ZNF718: variants seen among roughly 807,000 people sequenced by gnomAD.
The protein encoded by ZNF718 is zinc finger protein 718.
A neutral mutation model predicts 2.6 loss-of-function variants in ZNF718; 3 were observed. That is an observed-to-expected ratio of 1.16 (90% CI 0.53 to 3.01). The LOEUF is 3.01. Ranked by LOEUF, ZNF718 falls within the 30% of genes most tolerant of loss-of-function variation. ZNF718 has a pLI of 0.03. For missense variants in ZNF718, 468 were observed against 230.0 expected, an observed-to-expected ratio of 2.03 and a Z score of -6.69; for synonymous variants, 135 against 77.9, an observed-to-expected ratio of 1.73 and a Z score of -3.86.
intron 3 of ZNF718, among the ~76,000 whole-genome samples, chr4:152,417 C>T (rs529550476): frequency 1.7e-5 from 2 of 119,408 alleles, no homozygotes; most frequent in Non-Finnish European, 3.5e-5. Flanking sequence ...CGGCCTTCCG[C>T]AGTTTTTGTG....
At chr4:168,027 C>T (rs938376406), downstream of ZNF718, among the ~76,000 whole-genome samples, 2 of 152,154 alleles carry the variant, frequency 1.3e-5, no homozygotes, top group African/African-American at 4.8e-5. Flanking sequence ...TATGTCCCAT[C>T]AATACCTAAT....
At chr4:190,429 CAAAAAAA>C (rs368848803) in intron 3 of ZNF718, among the ~76,000 whole-genome samples, 3 of 49,138 alleles carry the variant, frequency 6.1e-5, no homozygotes, top group Non-Finnish European at 1.3e-4. Flanking sequence ...AACTCCATCT[CAAAAAAA>C]AAAAAAAAAA....
In ZNF718 at chr4:129,133, GTGT is replaced by G. The variant is rs1309485372; in HGVS notation, c.4-1650_4-1648del. ...AGAAGAGAAATTGTTGTTATTATTT[GTGT>G]TGTTTTTACCTTGCTAAGAATAAAT... On this transcript the variant is annotated intron_variant, in intron 1 of 3. Coordinates refer to ENST00000510175, the MANE Select transcript of ZNF718 (RefSeq NM_001039127.6). Among the ~76,000 whole-genome samples the G allele has an allele frequency of 8.6e-5, 9 of 104,844 alleles. 3 individuals are homozygous for G. Among genetic ancestry groups the G allele is most frequent in the Admixed American group, 2.0e-4 (2 of 9,784 alleles). 68.8% of individuals were successfully genotyped at this position (104,844 alleles called of 152,430 possible).
chr4:141,990 T>TA, intron 3 of ZNF718: 1 of 519,320 alleles, frequency 1.9e-6, no homozygotes, highest in Non-Finnish European at 3.9e-6. Context: ...TTCCAGCAGG[T>TA]AAAAAAGCTT....
Position 163,076 on chromosome 4 carries a change from C to G in ZNF718, c.*954C>G, listed in dbSNP as rs1466687417. 6.6e-6 allele frequency: 1 copy of G among 152,022 alleles called. No homozygotes were observed. Among genetic ancestry groups the G allele is most frequent in the Non-Finnish European group, 1.5e-5 (1 of 68,010 alleles). 9.4% of individuals were successfully genotyped at this position (152,022 alleles called of 1,614,324 possible). ...TTATAGATTTTTTGAAAAGCAAATTCAACTCTAAAATTACTTCATACTGAT... is the reference window on the plus strand; with the variant it reads ...TTATAGATTTTTTGAAAAGCAAATTGAACTCTAAAATTACTTCATACTGAT... On this transcript the variant is annotated 3_prime_UTR_variant, in exon 4 of 4. Coordinates refer to ENST00000510175, the MANE Select transcript of ZNF718 (RefSeq NM_001039127.6).
chr4:164,366 A>AATATAT (rs1717037355), downstream of ZNF718, among the ~76,000 whole-genome samples: 1 of 152,040 alleles, frequency 6.6e-6, no homozygotes, highest in Non-Finnish European at 1.5e-5. Flanking sequence ...TTCTTTTAAT[A>AATATAT]ATATATATAA....
chr4:167,102 T>C (rs1581470311), downstream of ZNF718, among the ~76,000 whole-genome samples: 1 of 152,188 alleles, frequency 6.6e-6, no homozygotes, highest in East Asian at 1.9e-4. Context: ...ATTTATTAAA[T>C]AGGAAATCCT....
chr4:147,719 C>G (rs59673355), intron 3 of ZNF718, among the ~76,000 whole-genome samples: 2,190 of 152,224 alleles, frequency 0.014, 29 homozygotes, highest in South Asian at 0.036. Flanking sequence ...AAAAAATTAG[C>G]CAGTCGTGGC....
downstream of ZNF718, among the ~76,000 whole-genome samples, chr4:166,364 C>A (rs1330088957): frequency 6.6e-6 from 1 of 152,196 alleles, no homozygotes; most frequent in Non-Finnish European, 1.5e-5. Context: ...GGTATATACC[C>A]AGTAATGGGA....
chr4:184,254 A>G (rs1292947096), intron 3 of ZNF718, among the ~76,000 whole-genome samples: 1 of 152,098 alleles, frequency 6.6e-6, no homozygotes, highest in South Asian at 2.1e-4. Flanking sequence ...TTCTGCATCT[A>G]TTGAGAAATA....
intron 3 of ZNF718, chr4:149,699 ATTAT>A (rs1716228979): frequency 1.3e-5 from 2 of 152,240 alleles, no homozygotes; most frequent in African/African-American, 2.4e-5. Context: ...TTGATTATAA[ATTAT>A]TTATTTTCTT....
At chr4:167,747 T>G (rs1553817177), downstream of ZNF718, among the ~76,000 whole-genome samples, 1 of 152,206 alleles carries the variant, frequency 6.6e-6, no homozygotes, top group African/African-American at 2.4e-5. Context: ...AAGGAGATTT[T>G]GGGCCTGAGA....
At chr4:148,334 T>A (rs1224356179) in intron 3 of ZNF718, among the ~76,000 whole-genome samples, 1 of 151,964 alleles carries the variant, frequency 6.6e-6, no homozygotes, top group Admixed American at 6.6e-5. Flanking sequence ...CAGGGCCAGG[T>A]GCAGTGACTC....
At chr4:125,721 C>T (rs1715179181) in intron 1 of ZNF718, among the ~76,000 whole-genome samples, 1 of 152,232 alleles carries the variant, frequency 6.6e-6, no homozygotes, top group African/African-American at 2.4e-5. Flanking sequence ...AACATCCCTT[C>T]CCCGCATCCT....
At chr4:167,380 T>C (rs1717114865), downstream of ZNF718, among the ~76,000 whole-genome samples, 1 of 152,178 alleles carries the variant, frequency 6.6e-6, no homozygotes, top group Admixed American at 6.6e-5. Context: ...TTTCCAATTC[T>C]GTGAAAAAAG....
At chr4:137,752 C>A (rs1715633812) in intron 3 of ZNF718, among the ~76,000 whole-genome samples, 1 of 143,644 alleles carries the variant, frequency 7.0e-6, no homozygotes, top group Non-Finnish European at 1.5e-5. Context: ...ATACTTTTTA[C>A]TTTTTTTTTT....
intron 3 of ZNF718, among the ~76,000 whole-genome samples, chr4:133,364 TCACC>T (rs1715412053): frequency 1.3e-5 from 2 of 152,096 alleles, no homozygotes; most frequent in South Asian, 4.2e-4. Context: ...AGGTATCTAC[TCACC>T]TTCTAGATTT....
At position 201,640 on chromosome 4, in the gene ZNF718, A is replaced by G. The variant is rs148664686; in HGVS notation, c.*111A>G. The G allele has an allele frequency of 8.4e-4, 145 of 172,816 alleles. 2 individuals carry two copies. The East Asian group carries it at 0.017, about 20-fold the overall frequency. 10.7% of individuals were successfully genotyped at this position (172,816 alleles called of 1,614,324 possible). ...TGTTCTCCTCTCTCTAGAAGCAAGC[A>G]GCAACATTGAATGCTTTATCAGGGC... On this transcript the variant is annotated 3_prime_UTR_variant and NMD_transcript_variant, in exon 5 of 5. Coordinates refer to the ZNF718 transcript ENST00000642529.
chr4:199,628 G>A (rs797029388), intron 3 of ZNF718, among the ~76,000 whole-genome samples: 3 of 152,356 alleles, frequency 2.0e-5, no homozygotes, highest in African/African-American at 7.2e-5. Context: ...CAGGATTACA[G>A]GAAAATAAGA....
Sources: allele counts gnomAD v4.1 joint callset (sites outside exome capture counted in the v4.1 genomes callset), GRCh38; gene constraint gnomAD v4.1.1; transcripts MANE v1.5; gene names NCBI Gene and HGNC (gene_info 2026-07-23, HGNC 2026-07-21).